Variants in FOLH1 observed in about 807,000 individuals in gnomAD.
FOLH1 encodes glutamate carboxypeptidase 2.
FOLH1 carries 54 observed loss-of-function variants against 93.9 expected under a neutral mutation model. The observed-to-expected ratio is 0.57, with a 90% CI of 0.46 to 0.72. The LOEUF (loss-of-function observed/expected upper bound fraction) is 0.72. Among genes scored for constraint, FOLH1 ranks in the 30% least tolerant of loss-of-function variants. FOLH1 has a pLI of 0.00. For synonymous variants in FOLH1, 249 were observed against 303.6 expected, an observed-to-expected ratio of 0.82 and a Z score of 1.87; for missense variants, 571 against 892.5, an observed-to-expected ratio of 0.64 and a Z score of 4.59.
At chr11:49,158,600 C>T (rs1243139957) in intron 13 of FOLH1, among the ~76,000 whole-genome samples, 1 of 151,934 alleles carries the variant, frequency 6.6e-6, no homozygotes, top group East Asian at 1.9e-4. Flanking sequence ...CTTAGGATTG[C>T]CTTGGTTATA....
intron 6 of FOLH1, among the ~76,000 whole-genome samples, chr11:49,184,582 G>A (rs1396819213): frequency 6.6e-6 from 1 of 151,946 alleles, no homozygotes. Context: ...GGTAATATGT[G>A]TCATTTTTTA....
rs1223819558 is a variant in FOLH1, at chr11:49,146,794, C to T, written c.2215G>A (p.Val739Met). Reference sequence around the variant, plus strand: ...CTCAAAGTCTCTGCAGCTGCCTGCACTGTGAAGGCTGCAACATAAATCTGT... The same window carrying T: ...CTCAAAGTCTCTGCAGCTGCCTGCATTGTGAAGGCTGCAACATAAATCTGT... The part of the protein sequence containing the change: ...KRQIYVAAFT[V>M]QAAAETLSEV... The change falls in exon 19 of 19, where the codon GTG becomes ATG. Residue 739 changes from valine (V) to methionine (M), a missense_variant. Around this residue, in one of 2 missense-constraint regions of FOLH1, gnomAD observed 500 missense variants for 822.9 expected, o/e 0.61. Coordinates refer to ENST00000256999, the MANE Select transcript of FOLH1 (RefSeq NM_004476.3). The T allele has an allele frequency of 2.5e-6, 4 of 1,613,230 alleles. No homozygotes were observed. Among genetic ancestry groups the T allele is most frequent in the Non-Finnish European group, 3.4e-6 (4 of 1,179,556 alleles).
At chr11:49,185,620 C>A in intron 6 of FOLH1, 49 bp downstream of exon 6, 3 of 1,606,480 alleles carry the variant, frequency 1.9e-6, no homozygotes, top group Non-Finnish European at 2.6e-6. Flanking sequence ...TTAATAAAGT[C>A]TCTTTCAAAT....
chr11:49,173,514 G>T lies in FOLH1; in HGVS notation c.1106-38C>A, dbSNP rs370469505. 1.3e-4 allele frequency: 168 copies of T among 1,291,744 alleles called. 1 individual carries two copies. The highest frequency in any genetic ancestry group is 1.6e-4 in the Non-Finnish European group (158 of 975,310). The allele number at this position is 1,291,744 out of a possible 1,614,324, so 80.0% of individuals were successfully genotyped here. ...GATACAAGATTATTTGTCATTTCAGGTCAATAAAAGAGAAAATTGCAAATG... is the reference window on the plus strand; with the variant it reads ...GATACAAGATTATTTGTCATTTCAGTTCAATAAAAGAGAAAATTGCAAATG... On this transcript the variant is annotated intron_variant, in intron 9 of 18. Transcript: ENST00000256999.
intron 7 of FOLH1, among the ~76,000 whole-genome samples, chr11:49,181,818 C>A (rs1049320949): frequency 2.0e-5 from 3 of 152,044 alleles, no homozygotes; most frequent in African/African-American, 7.2e-5. Flanking sequence ...TCTTAATCTG[C>A]CCTTAAATTG....
chr11:49,158,390 T>A (rs1283140522), intron 13 of FOLH1, among the ~76,000 whole-genome samples: 1 of 152,122 alleles, frequency 6.6e-6, no homozygotes, highest in Non-Finnish European at 1.5e-5. Flanking sequence ...CTATTTCTCA[T>A]CTCACAACAA....
intron 16 of FOLH1, 47 bp from the exon 17 acceptor site, chr11:49,153,974 T>TA (rs1856734239): frequency 6.8e-7 from 1 of 1,470,424 alleles, no homozygotes; most frequent in African/African-American, 1.4e-5. Context: ...ACATAATTTC[T>TA]AATGGCACTG....
At chr11:49,177,492 A>T (rs1860191865) in intron 7 of FOLH1, among the ~76,000 whole-genome samples, 1 of 152,124 alleles carries the variant, frequency 6.6e-6, no homozygotes, top group African/African-American at 2.4e-5. Flanking sequence ...GTAAGCAGAT[A>T]ATGGGGGCAA....
At chr11:49,153,792 A>AAT (rs1017631643) in intron 17 of FOLH1, 54 bp downstream of exon 17, 456 of 1,105,590 alleles carry the variant, frequency 4.1e-4, no homozygotes, top group Admixed American at 5.3e-4. Context: ...TTTACTTTTA[A>AAT]ATATATATAT....
In FOLH1 at chr11:49,146,624, A is replaced by G; in HGVS notation, c.*132T>C. ...AATATAAACACACACATATATAAAC[A>G]CTCACATAACTATATATAATATTCA... On this transcript the variant is annotated 3_prime_UTR_variant, in exon 19 of 19. Transcript: ENST00000256999. 1 of 664,698 alleles carries G rather than the reference A, an allele frequency of 1.5e-6. No homozygotes were observed. The highest frequency in any genetic ancestry group is 2.4e-6 in the Non-Finnish European group (1 of 410,156). The allele number at this position is 664,698 out of a possible 1,614,324, so 41.2% of individuals were successfully genotyped here. A position where few individuals can be genotyped will look rare whatever the true frequency, so the allele number is the denominator to read the frequency against.
At chr11:49,153,136 C>T (rs1462717962) in intron 17 of FOLH1, among the ~76,000 whole-genome samples, 2 of 152,070 alleles carry the variant, frequency 1.3e-5, no homozygotes, top group Non-Finnish European at 2.9e-5. Flanking sequence ...TCTCTGCCCT[C>T]AAAATTATAC....
chr11:49,177,589 G>A (rs182279579), intron 7 of FOLH1, among the ~76,000 whole-genome samples: 73 of 151,774 alleles, frequency 4.8e-4, no homozygotes, highest in Middle Eastern at 3.4e-3. Context: ...CTGAAAAATC[G>A]AGCTGCAAAC....
Position 49,186,703 on chromosome 11 carries a change from T to A in FOLH1, c.580A>T (p.Ile194Phe), listed in dbSNP as rs1565191688. Residue 194 changes from isoleucine to phenylalanine, a missense_variant, in exon 5 of 19, where the codon ATC becomes TTC. Physicochemically the swap from Ile to Phe is conservative, Grantham distance 21 (BLOSUM62 0). Coordinates refer to ENST00000256999, the MANE Select transcript of FOLH1 (RefSeq NM_004476.3). ...DFFKLERDMK[I>F]NCSGKIVIAR... Reference sequence around the variant, plus strand: ...ATTACAATTTTCCCAGAGCAATTGATTTTCATGTCCCGTTCCAATTTAAAG... The same window carrying A: ...ATTACAATTTTCCCAGAGCAATTGAATTTCATGTCCCGTTCCAATTTAAAG... 2.5e-6 allele frequency: 4 copies of A among 1,613,652 alleles called. No homozygotes were observed. The highest frequency in any genetic ancestry group is 3.4e-6 in the Non-Finnish European group (4 of 1,179,748).
intron 10 of FOLH1, 121 bp from the exon 11 acceptor site, chr11:49,171,398 G>A (rs1290248827): frequency 1.5e-6 from 2 of 1,302,178 alleles, no homozygotes; most frequent in Non-Finnish European, 2.1e-6. Flanking sequence ...AGGGCAAATT[G>A]TAGTAAAAAA....
At chr11:49,182,160 CT>C (rs1388795648) in intron 7 of FOLH1, among the ~76,000 whole-genome samples, 2 of 151,734 alleles carry the variant, frequency 1.3e-5, no homozygotes, top group Non-Finnish European at 2.9e-5. Flanking sequence ...GAAACCCCAT[CT>C]CTACTAAAAA....
In FOLH1 at chr11:49,148,661, A is replaced by G; in HGVS notation, c.2041T>C (p.Leu681=). The stretch of plus-strand genomic sequence containing the variant: ...TACCTATAAAAAGGCCTGTCTGGTA[A>G]CCCTAATGGATCAATAAATGCTCTT... ...LERAFIDPLG[L]PDRPFYRHVI... The change falls in exon 18 of 19, where the codon TTA becomes CTA. Residue 681 remains leucine, a synonymous_variant. Transcript: ENST00000256999. 2 of 1,603,154 alleles carry G rather than the reference A, an allele frequency of 1.2e-6. No homozygotes were observed. Among genetic ancestry groups the G allele is most frequent in the South Asian group, 1.1e-5 (1 of 88,488 alleles).
chr11:49,203,899 A>G (rs1354288486), intron 2 of FOLH1, among the ~76,000 whole-genome samples: 1 of 152,218 alleles, frequency 6.6e-6, no homozygotes, highest in Non-Finnish European at 1.5e-5. Flanking sequence ...AAAATGATTT[A>G]GCAGTGCCAG....
At chr11:49,151,651 A>G (rs1856523290) in intron 17 of FOLH1, among the ~76,000 whole-genome samples, 2 of 152,202 alleles carry the variant, frequency 1.3e-5, no homozygotes, top group East Asian at 1.9e-4. Flanking sequence ...TAAGTATCAT[A>G]TAGGGAACAG....
At chr11:49,192,748 G>A (rs1371828178) in intron 4 of FOLH1, 45 bp downstream of exon 4, 22 of 1,502,296 alleles carry the variant, frequency 1.5e-5, no homozygotes, top group Non-Finnish European at 1.8e-5. Flanking sequence ...TGAAGAGAAG[G>A]AAGGCTTCTT....
Sources: gnomAD v4.1 joint callset for allele counts (sites outside exome capture counted in the v4.1 genomes callset) on GRCh38, gnomAD v4.1.1 for gene constraint, gnomAD v4.1.1 regional missense constraint, MANE v1.5 for transcripts, NCBI Gene and HGNC (gene_info 2026-07-23, HGNC 2026-07-21) for gene names.